GNL3L: variants seen among roughly 807,000 people sequenced by gnomAD.
GNL3L encodes the protein guanine nucleotide-binding protein-like 3-like protein.
A neutral mutation model predicts 42.9 loss-of-function variants in GNL3L; 4 were observed. That is an observed-to-expected ratio of 0.09 (90% CI 0.05 to 0.21). The LOEUF (loss-of-function observed/expected upper bound fraction) is 0.21. Among genes scored for constraint, GNL3L ranks in the 10% least tolerant of loss-of-function variants. GNL3L has a pLI of 1.00. For synonymous variants in GNL3L, 159 were observed against 176.3 expected (o/e 0.90, Z 0.78); for missense variants, 412 against 481.7 (o/e 0.86, Z 1.36).
At chrX:54,550,205 CGAGAGAGAGAGAGAGAGA>C (rs58576849) in intron 9 of GNL3L, among the ~76,000 whole-genome samples, 1 of 91,146 alleles carries the variant, frequency 1.1e-5, no homozygotes, top group Non-Finnish European at 2.2e-5. Flanking sequence ...TGGGAATGAC[CGAGAGAGAGAGAGAGAGA>C]GAGAGAGAGA....
At position 54,560,791 on chromosome X, in the gene GNL3L, AG is replaced by A. The variant is rs1925240831; in HGVS notation, c.*190del. The A allele has an allele frequency of 2.8e-6, 1 of 353,863 alleles. No homozygotes were observed. The highest frequency in any genetic ancestry group is 2.5e-5 in the African/African-American group (1 of 39,292). The allele number at this position is 353,863 out of a possible 1,213,427, so 29.2% of individuals were successfully genotyped here. Reference sequence around the variant, plus strand: ...TGCTGTGGCTCACGTCTGTAATCCCAGCACTTTGGGAGGCCGAGGTGGGCAG... The same window carrying A: ...TGCTGTGGCTCACGTCTGTAATCCCACACTTTGGGAGGCCGAGGTGGGCAG... On this transcript the variant is annotated 3_prime_UTR_variant, in exon 16 of 16. Transcript: ENST00000360845.
intron 16 of GNL3L, among the ~76,000 whole-genome samples, chrX:54,584,487 A>T (rs1925756525): frequency 8.9e-6 from 1 of 112,037 alleles, no homozygotes; most frequent in South Asian, 3.7e-4. Context: ...TTGTGTTAGG[A>T]ACATTCCAAT....
At chrX:54,599,048 T>G (rs1167797619) in intron 16 of GNL3L, among the ~76,000 whole-genome samples, 1 of 111,751 alleles carries the variant, frequency 8.9e-6, no homozygotes, top group Non-Finnish European at 1.9e-5. Flanking sequence ...TACCAAAAGT[T>G]AACCAAGGAT....
intron 16 of GNL3L, among the ~76,000 whole-genome samples, chrX:54,592,982 T>C (rs1329674768): frequency 9.0e-6 from 1 of 111,644 alleles, no homozygotes. Context: ...CACTTGGTCA[T>C]GATGAATGAT....
intron 16 of GNL3L, among the ~76,000 whole-genome samples, chrX:54,595,253 ATTTG>A (rs983971063): frequency 7.3e-5 from 8 of 110,122 alleles, no homozygotes; most frequent in Admixed American, 1.9e-4. Context: ...GAAAGTGTTT[ATTTG>A]TTCTTCATGT....
At chrX:54,634,539 C>T in the GNL3L span, among the ~76,000 whole-genome samples, 1 of 110,337 alleles carries the variant, frequency 9.1e-6, no homozygotes, top group East Asian at 2.8e-4. Context: ...AGCGCAGTGG[C>T]GTGATCTCGG....
the GNL3L span, among the ~76,000 whole-genome samples, chrX:54,642,990 A>G: frequency 8.9e-6 from 1 of 112,120 alleles, no homozygotes; most frequent in East Asian, 2.8e-4. Context: ...AACTGTTAAC[A>G]GTTTTGTCTA....
rs769752918 is a variant in GNL3L at position 54,558,511 on chromosome X, C to T, written c.1522C>T (p.Arg508Cys). The change falls in exon 15 of 16, where the codon CGC (arginine) becomes TGC (cysteine). Residue 508 changes from arginine (R) to cysteine (C), a missense_variant. By Grantham distance (180) the Arg-to-Cys change is radical. Coordinates refer to ENST00000360845, the MANE Select transcript of GNL3L (RefSeq NM_001184819.2). ...MGWAKRNVDHRPKSNSMVDVC... is the reference protein window; with the variant it reads ...MGWAKRNVDHCPKSNSMVDVC... ...GTGGGCTAAACGCAATGTGGACCAC[C>T]GCCCTAAGAGCAACAGTATGGTGGA... 22 of 1,208,906 alleles carry T rather than the reference C, an allele frequency of 1.8e-5. No homozygotes were observed. In the East Asian group the frequency reaches 2.7e-4, roughly 15 times the overall value.
At chrX:54,571,498 CTT>C (rs1161595672), downstream of GNL3L, among the ~76,000 whole-genome samples, 8 of 86,494 alleles carry the variant, frequency 9.2e-5, no homozygotes, top group Admixed American at 2.6e-4. Flanking sequence ...TGCGCCCGGC[CTT>C]TTTTTTTTTT....
At chrX:54,615,149 A>G (rs2147536840) in intron 16 of GNL3L, among the ~76,000 whole-genome samples, 1 of 112,378 alleles carries the variant, frequency 8.9e-6, no homozygotes, top group African/African-American at 3.2e-5. Context: ...TGAATACCTC[A>G]TATTAAATAG....
intron 9 of GNL3L, among the ~76,000 whole-genome samples, chrX:54,549,118 T>G (rs1277037999): frequency 9.0e-6 from 1 of 110,875 alleles, no homozygotes; most frequent in Non-Finnish European, 1.9e-5. Flanking sequence ...GGCAGACATG[T>G]TTTCTCAAAG....
intron 3 of GNL3L, among the ~76,000 whole-genome samples, 200 bp from the exon 4 acceptor site, chrX:54,539,935 C>T (rs1924557085): frequency 9.0e-6 from 1 of 111,435 alleles, no homozygotes; most frequent in South Asian, 3.8e-4. Flanking sequence ...TTTCTTTGTC[C>T]CCACAACTAC....
chrX:54,540,297 G>T lies in GNL3L; in HGVS notation c.189+55G>T, dbSNP rs753227956. The T allele has an allele frequency of 1.4e-5, 11 of 774,957 alleles. No individual in the cohort carries two copies. In the African/African-American group the frequency reaches 2.0e-4, roughly 14 times the overall value. The allele number at this position is 774,957 out of a possible 1,213,427, so 63.9% of individuals were successfully genotyped here. On this transcript the variant is annotated intron_variant, in intron 4 of 15. Coordinates refer to ENST00000360845, the MANE Select transcript of GNL3L (RefSeq NM_001184819.2). ...AGGGCCTGCCTTGAATGCCAGGTCC[G>T]CAGAAGTGTTGAATGGAAGGGCAAA... is the stretch of plus-strand genomic sequence containing the variant.
chrX:54,642,249 G>A, the GNL3L span, among the ~76,000 whole-genome samples: 2 of 112,018 alleles, frequency 1.8e-5, no homozygotes, highest in Non-Finnish European at 3.8e-5. Flanking sequence ...AGGTGACACA[G>A]CCAGTGATGG....
chrX:54,588,414 A>G (rs1420623590), intron 16 of GNL3L, among the ~76,000 whole-genome samples: 3 of 112,574 alleles, frequency 2.7e-5, no homozygotes, highest in African/African-American at 9.7e-5. Context: ...GAGCTTAAAA[A>G]TTCTCATTCA....
At chrX:54,619,036 C>T (rs1228998900) in intron 16 of GNL3L, among the ~76,000 whole-genome samples, 1 of 112,067 alleles carries the variant, frequency 8.9e-6, no homozygotes, top group African/African-American at 3.2e-5. Flanking sequence ...AATGGACACT[C>T]ATACACAGAT....
At chrX:54,576,033 T>TATTA (rs1429960179) in intron 16 of GNL3L, among the ~76,000 whole-genome samples, 29 of 112,428 alleles carry the variant, frequency 2.6e-4, no homozygotes, top group African/African-American at 9.0e-4. Context: ...CTAAGGATGA[T>TATTA]ATTAAGATCA....
intron 16 of GNL3L, among the ~76,000 whole-genome samples, chrX:54,599,804 A>T (rs1925981185): frequency 9.0e-6 from 1 of 110,712 alleles, no homozygotes; most frequent in African/African-American, 3.3e-5. Context: ...CAATGTTTGA[A>T]TTCCCTGATT....
At chrX:54,636,338 C>T in the GNL3L span, among the ~76,000 whole-genome samples, 5 of 112,099 alleles carry the variant, frequency 4.5e-5, no homozygotes, top group Non-Finnish European at 9.4e-5. Flanking sequence ...TGCCATAAAA[C>T]TTTCTTACCA....
Sources: gnomAD v4.1 joint callset for allele counts (sites outside exome capture counted in the v4.1 genomes callset) on GRCh38, gnomAD v4.1.1 for gene constraint, MANE v1.5 for transcripts, NCBI Gene and HGNC (gene_info 2026-07-23, HGNC 2026-07-21) for gene names.